The following TTC27 variants were observed in gnomAD, a reference collection of about 807,000 sequenced individuals.
TTC27 encodes tetratricopeptide repeat protein 27.
A neutral mutation model predicts 115.9 loss-of-function variants in TTC27; 79 were observed. That is an observed-to-expected ratio of 0.68 (90% CI 0.57 to 0.82). The LOEUF (loss-of-function observed/expected upper bound fraction) is 0.82, where lower values mean the gene tolerates loss of function less well. Among genes scored for constraint, TTC27 ranks in the 40% least tolerant of loss-of-function variants. The probability of loss-of-function intolerance (pLI) is 0.00; values close to 1 mark genes in which losing one functional copy is unlikely to be tolerated. For synonymous variants in TTC27, 401 were observed against 356.0 expected (o/e 1.13, Z -1.42); for missense variants, 1,054 against 993.1 (o/e 1.06, Z -0.82).
chr2:32,770,042 T>C (rs551669808), intron 13 of TTC27, among the ~76,000 whole-genome samples: 2 of 151,994 alleles, frequency 1.3e-5, no homozygotes, highest in Non-Finnish European at 2.9e-5. Context: ...CCAGGAATGG[T>C]TGGGATTTGG....
chr2:32,738,094 G>C (rs1318113952), intron 12 of TTC27, among the ~76,000 whole-genome samples: 2 of 152,146 alleles, frequency 1.3e-5, no homozygotes, highest in Non-Finnish European at 2.9e-5. Flanking sequence ...CCCTCCTTTT[G>C]TAAATGAGGA....
intron 4 of TTC27, among the ~76,000 whole-genome samples, chr2:32,648,213 C>T (rs990858674): frequency 2.0e-5 from 3 of 152,096 alleles, no homozygotes; most frequent in South Asian, 4.2e-4. Flanking sequence ...CTGCAACCTC[C>T]GCCTCCTGGG....
At position 32,664,361 on chromosome 2, in the gene TTC27, C is replaced by G. The variant is rs1249227927; in HGVS notation, c.699C>G (p.Phe233Leu). ...CAGGTCGATATTTGGCTATTCAATTCCATCTGGAATGTGCATATGTGTTTT... is the reference window on the plus strand; with the variant it reads ...CAGGTCGATATTTGGCTATTCAATTGCATCTGGAATGTGCATATGTGTTTT... ...DDSGRYLAIQ[F>L]HLECAYVFLY... Residue 233 changes from phenylalanine to leucine, a missense_variant, in exon 6 of 20, where the codon TTC becomes TTG. Physicochemically the swap from Phe to Leu is conservative, Grantham distance 22. Coordinates refer to ENST00000317907, the MANE Select transcript of TTC27 (RefSeq NM_017735.5). 1 of 1,611,258 alleles carries G rather than the reference C, an allele frequency of 6.2e-7. No homozygotes were observed. The highest frequency in any genetic ancestry group is 1.1e-5 in the South Asian group (1 of 90,390).
chr2:32,714,339 T>C (rs958024928), intron 10 of TTC27, among the ~76,000 whole-genome samples: 3 of 152,044 alleles, frequency 2.0e-5, no homozygotes, highest in Non-Finnish European at 4.4e-5. Context: ...TTTGTATTTT[T>C]AGTAGAGGCA....
At chr2:32,776,535 G>A (rs575222109) in intron 13 of TTC27, among the ~76,000 whole-genome samples, 2 of 152,266 alleles carry the variant, frequency 1.3e-5, no homozygotes, top group South Asian at 4.1e-4. Flanking sequence ...CTGACTGTTG[G>A]AAGGAAAACA....
At chr2:32,791,329 ATAATT>A (rs1265899442) in intron 16 of TTC27, among the ~76,000 whole-genome samples, 1 of 152,112 alleles carries the variant, frequency 6.6e-6, no homozygotes, top group East Asian at 1.9e-4. Context: ...TTTTGGGAAA[ATAATT>A]TAAGTATTGC....
At position 32,637,741 on chromosome 2, in the gene TTC27, G is replaced by A. The variant is rs186811318; in HGVS notation, c.397-2529G>A. ...TCTACTTGAATTTACAACATGATCC[G>A]ATGAGGCTGCAGGTCTAGTTTGGGC... On this transcript the variant is annotated intron_variant, in intron 3 of 19. Coordinates refer to ENST00000317907, the MANE Select transcript of TTC27 (RefSeq NM_017735.5). Among the ~76,000 whole-genome samples the A allele has an allele frequency of 5.6e-4, 86 of 152,268 alleles. No individual in the cohort carries two copies. The East Asian group carries it at 0.013, about 23-fold the overall frequency.
intron 19 of TTC27, among the ~76,000 whole-genome samples, chr2:32,820,517 T>G (rs1049056786): frequency 6.6e-6 from 1 of 152,262 alleles, no homozygotes; most frequent in East Asian, 1.9e-4. Context: ...AGTTGAATTA[T>G]GTCTGTTCAT....
At chr2:32,759,591 A>T (rs1253934981) in intron 13 of TTC27, among the ~76,000 whole-genome samples, 1 of 152,212 alleles carries the variant, frequency 6.6e-6, no homozygotes, top group African/African-American at 2.4e-5. Flanking sequence ...ATCTCTGAAA[A>T]AAATAAATAA....
chr2:32,647,837 A>C (rs1664924194), intron 4 of TTC27, among the ~76,000 whole-genome samples: 1 of 152,172 alleles, frequency 6.6e-6, no homozygotes, highest in South Asian at 2.1e-4. Context: ...CAGTGTACTG[A>C]GACCCCATCT....
chr2:32,642,144 A>G (rs1239333690), intron 4 of TTC27, among the ~76,000 whole-genome samples: 2 of 151,978 alleles, frequency 1.3e-5, no homozygotes, highest in African/African-American at 4.8e-5. Flanking sequence ...GGTGTGAGCC[A>G]CTGTGCCCGG....
intron 7 of TTC27, among the ~76,000 whole-genome samples, chr2:32,671,624 C>T (rs1316240594): frequency 6.6e-6 from 1 of 152,166 alleles, no homozygotes; most frequent in Non-Finnish European, 1.5e-5. Context: ...AAATCAAGTA[C>T]TTCCTCATAT....
chr2:32,762,333 G>A (rs1268279998), intron 13 of TTC27, among the ~76,000 whole-genome samples: 5 of 149,994 alleles, frequency 3.3e-5, no homozygotes, highest in African/African-American at 9.8e-5. Flanking sequence ...GTGTGTTGGG[G>A]GAACAGAGGT....
chr2:32,752,953 T>G (rs1445255988), intron 12 of TTC27, among the ~76,000 whole-genome samples: 2 of 152,152 alleles, frequency 1.3e-5, no homozygotes, highest in South Asian at 4.2e-4. Context: ...CACTCAAAAC[T>G]TAGTGGCTTA....
intron 9 of TTC27, among the ~76,000 whole-genome samples, chr2:32,690,591 G>C (rs1453703094): frequency 6.6e-6 from 1 of 152,204 alleles, no homozygotes; most frequent in East Asian, 1.9e-4. Flanking sequence ...ATAGGGTTTA[G>C]ATGGAGTGAT....
intron 9 of TTC27, among the ~76,000 whole-genome samples, chr2:32,700,537 G>C (rs1417924258): frequency 6.6e-6 from 1 of 151,490 alleles, no homozygotes; most frequent in Non-Finnish European, 1.5e-5. Context: ...CTTTTCCTTT[G>C]AAAAAAAAAT....
At chr2:32,683,717 T>C (rs1559204557) in intron 9 of TTC27, among the ~76,000 whole-genome samples, 1 of 152,246 alleles carries the variant, frequency 6.6e-6, no homozygotes, top group Non-Finnish European at 1.5e-5. Context: ...ATCAGCTTGA[T>C]AACTTAAAAT....
intron 5 of TTC27, among the ~76,000 whole-genome samples, chr2:32,652,791 A>C (rs1337405341): frequency 1.3e-5 from 2 of 152,198 alleles, no homozygotes; most frequent in Admixed American, 6.6e-5. Flanking sequence ...CAGCGTCCAG[A>C]GAAGGGTATT....
chr2:32,735,750 A>G (rs1668433247), intron 11 of TTC27, among the ~76,000 whole-genome samples: 1 of 152,138 alleles, frequency 6.6e-6, no homozygotes, highest in African/African-American at 2.4e-5. Flanking sequence ...ATAAGCACCA[A>G]GATTTATTCC....
Sources: gnomAD v4.1 joint callset for allele counts (sites outside exome capture counted in the v4.1 genomes callset) on GRCh38, gnomAD v4.1.1 for gene constraint, MANE v1.5 for transcripts, NCBI Gene and HGNC (gene_info 2026-07-23, HGNC 2026-07-21) for gene names.